L3MBTL4: variants seen among roughly 807,000 people sequenced by gnomAD.
L3MBTL4 encodes the protein L3MBTL histone methyl-lysine binding protein 4.
In L3MBTL4, 70 loss-of-function variants were observed where a neutral mutation model predicts 84.5. The ratio of observed to expected loss-of-function variants is 0.83; its 90% CI spans 0.68 to 1.01. The LOEUF (loss-of-function observed/expected upper bound fraction) is 1.01. L3MBTL4 is among the 50% of genes least tolerant of loss of function. The pLI is 0.00. For synonymous variants in L3MBTL4, 274 were observed against 259.8 expected (o/e 1.05, Z -0.52); for missense variants, 715 against 754.8 (o/e 0.95, Z 0.62).
At chr18:6,104,006 G>T (rs2058917911) in intron 14 of L3MBTL4, among the ~76,000 whole-genome samples, 2 of 152,150 alleles carry the variant, frequency 1.3e-5, no homozygotes, top group African/African-American at 4.8e-5. Context: ...AGTCCTGTGG[G>T]GCACTGCAAA....
intron 1 of L3MBTL4, among the ~76,000 whole-genome samples, chr18:6,363,178 C>T (rs1415431710): frequency 6.6e-6 from 1 of 152,206 alleles, no homozygotes; most frequent in Admixed American, 6.5e-5. Flanking sequence ...GTCTCCGTTT[C>T]CTGAGTTCGT....
chr18:6,026,884 CTATAA>C (rs1400279691), intron 16 of L3MBTL4, among the ~76,000 whole-genome samples: 1 of 152,016 alleles, frequency 6.6e-6, no homozygotes, highest in African/African-American at 2.4e-5. Flanking sequence ...AAGATCAAAT[CTATAA>C]TTTATTGCCT....
intron 10 of L3MBTL4, among the ~76,000 whole-genome samples, chr18:6,224,001 C>T (rs1358861152): frequency 6.6e-6 from 1 of 152,054 alleles, no homozygotes; most frequent in Non-Finnish European, 1.5e-5. Context: ...CATCAGTTAC[C>T]ATTTGCTCGG....
At chr18:6,377,592 G>C (rs2054420385) in intron 1 of L3MBTL4, among the ~76,000 whole-genome samples, 1 of 152,050 alleles carries the variant, frequency 6.6e-6, no homozygotes, top group Admixed American at 6.6e-5. Flanking sequence ...CTGTTCCTGT[G>C]TTAGTTTGCT....
intron 12 of L3MBTL4, among the ~76,000 whole-genome samples, chr18:6,189,878 C>T (rs1031632896): frequency 4.2e-4 from 64 of 152,222 alleles, no homozygotes; most frequent in Middle Eastern, 3.4e-3. Context: ...TCATGAGAGA[C>T]GTGTGAGAAC....
intron 13 of L3MBTL4, among the ~76,000 whole-genome samples, chr18:6,162,316 T>C (rs762094278): frequency 7.9e-5 from 12 of 152,180 alleles, no homozygotes; most frequent in Non-Finnish European, 1.3e-4. Flanking sequence ...TTTGTAGTAT[T>C]TGACCAATAA....
intron 13 of L3MBTL4, among the ~76,000 whole-genome samples, chr18:6,170,675 C>G (rs985991069): frequency 2.0e-5 from 3 of 152,060 alleles, no homozygotes; most frequent in African/African-American, 7.2e-5. Flanking sequence ...CACGCCTACC[C>G]CAGCGGAAAT....
chr18:6,174,145 TA>T (rs139680614), intron 12 of L3MBTL4, among the ~76,000 whole-genome samples: 5,994 of 134,886 alleles, frequency 0.044, 339 homozygotes, highest in African/African-American at 0.14. Flanking sequence ...ACTCTACTCT[TA>T]AAAAAAAAAA....
chr18:6,270,199 C>T (rs1295105610), intron 4 of L3MBTL4, among the ~76,000 whole-genome samples: 1 of 152,210 alleles, frequency 6.6e-6, no homozygotes, highest in Non-Finnish European at 1.5e-5. Context: ...CTGAACAATA[C>T]CCCGCTTAGG....
chr18:6,188,352 TTAA>T (rs2044886498), intron 12 of L3MBTL4, among the ~76,000 whole-genome samples: 1 of 151,170 alleles, frequency 6.6e-6, no homozygotes, highest in African/African-American at 2.4e-5. Flanking sequence ...TATTAATAAA[TTAA>T]TAAATACACT....
At chr18:5,981,878 C>G (rs72873877) in intron 16 of L3MBTL4, among the ~76,000 whole-genome samples, 13,463 of 151,770 alleles carry the variant, frequency 0.089, 805 homozygotes, top group Non-Finnish European at 0.13. Context: ...ATCTATTATT[C>G]TCTTCTAGAA....
chr18:6,041,659 C>T (rs910296384), intron 16 of L3MBTL4, among the ~76,000 whole-genome samples: 10 of 151,774 alleles, frequency 6.6e-5, no homozygotes, highest in South Asian at 2.1e-4. Context: ...GTCCAGCACT[C>T]GCAGCCACAC....
chr18:6,269,299 T>C (rs1419533623), intron 4 of L3MBTL4, among the ~76,000 whole-genome samples: 1 of 151,702 alleles, frequency 6.6e-6, no homozygotes, highest in East Asian at 1.9e-4. Flanking sequence ...CTACTAAAAA[T>C]ACAAAAAATT....
At chr18:6,262,238 C>T (rs756922972) in intron 5 of L3MBTL4, among the ~76,000 whole-genome samples, 18 of 152,094 alleles carry the variant, frequency 1.2e-4, no homozygotes, top group Admixed American at 9.8e-4. Context: ...GAAGGCGCAG[C>T]GGGGAAAGGG....
In L3MBTL4 at chr18:6,414,572, C is replaced by A. The variant is rs891142663; in HGVS notation, c.-91+229G>T. The A allele has an allele frequency of 6.6e-6, 1 of 151,980 alleles. No homozygotes were observed. The highest frequency in any genetic ancestry group is 2.4e-5 in the African/African-American group (1 of 41,396). 9.4% of individuals were successfully genotyped at this position (151,980 alleles called of 1,614,324 possible). A position where few individuals can be genotyped will look rare whatever the true frequency, so the allele number is the denominator to read the frequency against. On this transcript the variant is annotated intron_variant, in intron 1 of 18. Transcript: ENST00000317931. This position sits in a 1 kb window ranked among gnomAD's most constrained non-coding sequence, Gnocchi z 5.4. The stretch of plus-strand genomic sequence containing the variant: ...GTAGGCGACAAGTGAGGCAGCGCCT[C>A]TCGCGGGGAGCCCGGCGCGCGCCCC...
intron 1 of L3MBTL4, among the ~76,000 whole-genome samples, chr18:6,376,901 T>C (rs1354127647): frequency 1.3e-5 from 2 of 152,326 alleles, no homozygotes; most frequent in East Asian, 1.9e-4. Flanking sequence ...TGTCCTCTCC[T>C]GCCCTCACAC....
rs1158717199 is a variant in L3MBTL4 at position 6,071,683 on chromosome 18, G to GAAAA, written c.1444+9197_1444+9198insTTTT. 2.1e-4 allele frequency among the ~76,000 whole-genome samples: 21 copies of GAAAA among 102,244 alleles called. 1 individual carries two copies. Among genetic ancestry groups the GAAAA allele is most frequent in the Middle Eastern group, 4.1e-3 (1 of 242 alleles). The allele number at this position is 102,244 out of a possible 152,430, so 67.1% of individuals were successfully genotyped here. Reference sequence around the variant, plus strand: ...AAAGAAAGAAGGAAAAAAAGAAAGAGAGAAAGAAAGAAAGAAAGAAAGAAA... The same window carrying GAAAA: ...AAAGAAAGAAGGAAAAAAAGAAAGAGAAAAAGAAAGAAAGAAAGAAAGAAAGAAA... On this transcript the variant is annotated intron_variant, in intron 16 of 18. Coordinates refer to ENST00000317931, the MANE Select transcript of L3MBTL4 (RefSeq NM_001330559.2).
chr18:6,002,298 G>A (rs893876786), intron 16 of L3MBTL4, among the ~76,000 whole-genome samples: 2 of 152,138 alleles, frequency 1.3e-5, no homozygotes, highest in Non-Finnish European at 2.9e-5. Context: ...AAATGCTAAA[G>A]GGAGTCCTTC....
At chr18:6,048,991 A>G (rs2056741635) in intron 16 of L3MBTL4, among the ~76,000 whole-genome samples, 1 of 152,148 alleles carries the variant, frequency 6.6e-6, no homozygotes, top group African/African-American at 2.4e-5. Flanking sequence ...TGGATTAAAG[A>G]TTTAAATGTA....
Sources: allele counts gnomAD v4.1 joint callset (sites outside exome capture counted in the v4.1 genomes callset), GRCh38; gene constraint gnomAD v4.1.1; non-coding constraint Gnocchi (gnomAD v3.1); transcripts MANE v1.5; gene names NCBI Gene and HGNC (gene_info 2026-07-23, HGNC 2026-07-21).